The following ZNF362 variants were observed in gnomAD, a reference collection of about 807,000 sequenced individuals.
ZNF362 encodes zinc finger protein 362.
A neutral mutation model predicts 42.9 loss-of-function variants in ZNF362; 11 were observed. The ratio of observed to expected loss-of-function variants is 0.26; its 90% CI spans 0.16 to 0.42. ZNF362 has a LOEUF of 0.42. Ranked by LOEUF, ZNF362 falls within the 20% of genes least tolerant of loss-of-function variation. ZNF362 has a pLI of 1.00. For missense variants in ZNF362, 362 were observed against 576.2 expected, an observed-to-expected ratio of 0.63 and a Z score of 3.81; for synonymous variants, 255 against 257.3, an observed-to-expected ratio of 0.99 and a Z score of 0.09.
At chr1:33,205,682 G>A in the ZNF362 span, among the ~76,000 whole-genome samples, 10 of 152,166 alleles carry the variant, frequency 6.6e-5, no homozygotes, top group Non-Finnish European at 5.9e-5. Context: ...GGGAGGCTGA[G>A]GTGAGTGGAT....
upstream of ZNF362, among the ~76,000 whole-genome samples, chr1:33,255,158 T>C (rs1334014731): frequency 6.6e-6 from 1 of 152,238 alleles, no homozygotes; most frequent in Non-Finnish European, 1.5e-5. Context: ...GGCCCTGTCT[T>C]CGAGTTGCTC....
chr1:33,132,240 G>C, the ZNF362 span, among the ~76,000 whole-genome samples: 1 of 152,294 alleles, frequency 6.6e-6, no homozygotes, highest in African/African-American at 2.4e-5. Flanking sequence ...AAAAGGCAGC[G>C]TGAGCTCTCC....
the ZNF362 span, among the ~76,000 whole-genome samples, chr1:33,158,871 G>A: frequency 9.3e-5 from 14 of 150,100 alleles, no homozygotes; most frequent in Non-Finnish European, 1.5e-4. Context: ...ACAGAGTTTC[G>A]CTCTTATTGC....
At chr1:33,223,035 G>A in the ZNF362 span, among the ~76,000 whole-genome samples, 7 of 151,730 alleles carry the variant, frequency 4.6e-5, no homozygotes, top group African/African-American at 9.7e-5. Context: ...GGTGGATCAC[G>A]AGGTCAGGAG....
At chr1:33,207,182 T>C in the ZNF362 span, among the ~76,000 whole-genome samples, 1 of 151,664 alleles carries the variant, frequency 6.6e-6, no homozygotes, top group East Asian at 1.9e-4. Flanking sequence ...CTCCCACTTA[T>C]GAGTGAGAAC....
the ZNF362 span, among the ~76,000 whole-genome samples, chr1:33,209,114 G>T: frequency 6.6e-6 from 1 of 152,090 alleles, no homozygotes; most frequent in Non-Finnish European, 1.5e-5. Context: ...AGTTTATTGA[G>T]AATTTTTAGC....
chr1:33,288,302 A>C (rs990082601), intron 6 of ZNF362, among the ~76,000 whole-genome samples: 1 of 152,120 alleles, frequency 6.6e-6, no homozygotes, highest in East Asian at 1.9e-4. Flanking sequence ...GCTGCAGAAG[A>C]AGCACTTGGG....
chr1:33,298,628 G>C (rs761954926), intron 8 of ZNF362, among the ~76,000 whole-genome samples: 13 of 152,230 alleles, frequency 8.5e-5, no homozygotes, highest in Non-Finnish European at 1.2e-4. Context: ...CTGGCAGACA[G>C]GGCTGAGGTT....
chr1:33,181,036 C>T, the ZNF362 span: 2 of 1,461,216 alleles, frequency 1.4e-6, no homozygotes, highest in Non-Finnish European at 1.8e-6. The surrounding 1 kb of genome is among the most constrained non-coding windows in gnomAD (Gnocchi z 6.5). Flanking sequence ...TGCAGCTCGT[C>T]GAAGGCGTCG....
chr1:33,249,324 G>T, the ZNF362 span, among the ~76,000 whole-genome samples: 2 of 152,294 alleles, frequency 1.3e-5, no homozygotes, highest in South Asian at 4.1e-4. Context: ...GAGGCCAAGG[G>T]GGAAAACAGT....
the ZNF362 span, among the ~76,000 whole-genome samples, chr1:33,211,983 T>C: frequency 6.6e-6 from 1 of 152,232 alleles, no homozygotes; most frequent in Non-Finnish European, 1.5e-5. Context: ...CATTCAATTG[T>C]AATCCCTGGT....
intron 4 of ZNF362, among the ~76,000 whole-genome samples, chr1:33,277,411 G>C (rs1645959283): frequency 6.6e-6 from 1 of 152,240 alleles, no homozygotes; most frequent in African/African-American, 2.4e-5. Flanking sequence ...CGAGGAAGCA[G>C]GGACCAGATT....
At chr1:33,171,023 C>T in the ZNF362 span, among the ~76,000 whole-genome samples, 1 of 152,200 alleles carries the variant, frequency 6.6e-6, no homozygotes, top group Non-Finnish European at 1.5e-5. Context: ...GGTGGCCCCT[C>T]CTTCCCTTCT....
chr1:33,276,550 C>CCGA lies in ZNF362; in HGVS notation c.308_310dup (p.Asp103dup), dbSNP rs1192076651. ...CTGCATCCACAGGCGGTGCCGCAGC[C>CCGA]CGACGTGGCGCTGCACGCACGGCCG... On this transcript the variant is annotated inframe_insertion, in exon 4 of 9. Coordinates refer to ENST00000539719, the MANE Select transcript of ZNF362 (RefSeq NM_152493.3). 1 of 1,483,184 alleles carries CCGA rather than the reference C, an allele frequency of 6.7e-7. No homozygotes were observed. Among genetic ancestry groups the CCGA allele is most frequent in the African/African-American group, 1.4e-5 (1 of 70,484 alleles). The allele number at this position is 1,483,184 out of a possible 1,614,324, so 91.9% of individuals were successfully genotyped here.
chr1:33,216,309 A>T, the ZNF362 span, among the ~76,000 whole-genome samples: 1 of 134,436 alleles, frequency 7.4e-6, no homozygotes, highest in Non-Finnish European at 1.6e-5. Flanking sequence ...CTCTTAAGAA[A>T]CAGAAAAAAG....
At chr1:33,158,367 G>A in the ZNF362 span, 27 of 1,613,310 alleles carry the variant, frequency 1.7e-5, no homozygotes, top group East Asian at 2.2e-5. Context: ...TTTCCCTTGA[G>A]CCTGGAAGGA....
the ZNF362 span, among the ~76,000 whole-genome samples, chr1:33,138,626 C>CAAAAAAAAAAAAA: frequency 1.4e-4 from 9 of 66,076 alleles, no homozygotes; most frequent in East Asian, 3.4e-4. Context: ...ACAACAACAA[C>CAAAAAAAAAAAAA]AAAAAAAAAA....
chr1:33,165,555 C>G, the ZNF362 span: 7 of 1,608,214 alleles, frequency 4.4e-6, no homozygotes, highest in Non-Finnish European at 5.9e-6. The surrounding 1 kb of genome is among the most constrained non-coding windows in gnomAD (Gnocchi z 4.0). Flanking sequence ...GAAGTTGGTC[C>G]TTCAGCTCCC....
chr1:33,253,320 C>G (rs1476442000), upstream of ZNF362, among the ~76,000 whole-genome samples: 1 of 149,616 alleles, frequency 6.7e-6, no homozygotes, highest in African/African-American at 2.5e-5. Context: ...ACCCCAACTG[C>G]CTCCAACCAA....
Sources: gnomAD v4.1 joint callset for allele counts (sites outside exome capture counted in the v4.1 genomes callset) on GRCh38, gnomAD v4.1.1 for gene constraint, Gnocchi (gnomAD v3.1) non-coding constraint, MANE v1.5 for transcripts, NCBI Gene and HGNC (gene_info 2026-07-23, HGNC 2026-07-21) for gene names.